RNGTT: variants seen among roughly 807,000 people sequenced by gnomAD.
The protein encoded by RNGTT is mRNA-capping enzyme.
A neutral mutation model predicts 79.3 loss-of-function variants in RNGTT; 33 were observed. The observed-to-expected ratio is 0.42, with a 90% CI of 0.32 to 0.56. The LOEUF (loss-of-function observed/expected upper bound fraction) is 0.56, where lower values mean the gene tolerates loss of function less well. Among genes scored for constraint, RNGTT ranks in the 20% least tolerant of loss-of-function variants. The pLI is 0.17. For missense variants in RNGTT, 497 were observed against 739.1 expected (o/e 0.67, Z 3.80); for synonymous variants, 222 against 235.9 (o/e 0.94, Z 0.54).
At chr6:88,683,469 C>G (rs1250297742) in intron 13 of RNGTT, among the ~76,000 whole-genome samples, 1 of 152,138 alleles carries the variant, frequency 6.6e-6, no homozygotes, top group Non-Finnish European at 1.5e-5. Context: ...AGCAAAAGGT[C>G]TAGCAAATTC....
chr6:88,843,975 T>C (rs935630308), intron 11 of RNGTT, among the ~76,000 whole-genome samples: 1 of 151,184 alleles, frequency 6.6e-6, no homozygotes, highest in Admixed American at 6.6e-5. Context: ...TACACATATA[T>C]ATAAATGTAT....
At chr6:88,629,384 T>C (rs963321765) in intron 14 of RNGTT, among the ~76,000 whole-genome samples, 13 of 152,158 alleles carry the variant, frequency 8.5e-5, no homozygotes, top group African/African-American at 3.1e-4. Flanking sequence ...GCAGGTAAAA[T>C]ACGTGCTATT....
intron 8 of RNGTT, among the ~76,000 whole-genome samples, chr6:88,882,974 A>G (rs1289991344): frequency 6.6e-6 from 1 of 152,152 alleles, no homozygotes; most frequent in African/African-American, 2.4e-5. Flanking sequence ...CAAATGAACT[A>G]AGATACTAAG....
chr6:88,792,025 C>T (rs939458472), intron 12 of RNGTT, among the ~76,000 whole-genome samples: 6 of 152,088 alleles, frequency 3.9e-5, no homozygotes, highest in Non-Finnish European at 7.4e-5. Context: ...TTAGAAAAGA[C>T]AGAAATTAAT....
chr6:88,786,485 A>C (rs1779233212), intron 12 of RNGTT, among the ~76,000 whole-genome samples: 1 of 152,214 alleles, frequency 6.6e-6, no homozygotes, highest in Non-Finnish European at 1.5e-5. Flanking sequence ...TTAGCAATTC[A>C]AAATGGAAGT....
rs754557134 is a variant in RNGTT, at chr6:88,911,521, T to A, written c.368-5081A>T. 9.2e-5 allele frequency among the ~76,000 whole-genome samples: 14 copies of A among 151,446 alleles called. No homozygotes were observed. In the South Asian group the frequency reaches 2.1e-3, roughly 23 times the overall value. ...GGGTACTAAAGCAAGTCTCAATAAA[T>A]TTTTTTTTAATCTTAATCATGCCAA... On this transcript the variant is annotated intron_variant, in intron 4 of 15. Coordinates refer to ENST00000369485, the MANE Select transcript of RNGTT (RefSeq NM_003800.5).
chr6:88,920,041 T>C (rs1421911282), intron 4 of RNGTT, among the ~76,000 whole-genome samples: 3 of 152,200 alleles, frequency 2.0e-5, no homozygotes, highest in East Asian at 3.8e-4. Context: ...CATTTTGTAA[T>C]GTCTAGAGAC....
intron 2 of RNGTT, among the ~76,000 whole-genome samples, chr6:88,935,188 C>T (rs142540135): frequency 1.3e-5 from 2 of 152,214 alleles, no homozygotes; most frequent in African/African-American, 4.8e-5. Context: ...AAAGAGTGTC[C>T]TGTCCCCAAT....
At chr6:88,760,497 A>G (rs944070327) in intron 13 of RNGTT, among the ~76,000 whole-genome samples, 11 of 152,202 alleles carry the variant, frequency 7.2e-5, no homozygotes, top group African/African-American at 2.7e-4. Flanking sequence ...TTCAAATAAG[A>G]AAGCAGTTAC....
chr6:88,837,725 G>A (rs1007388548), intron 11 of RNGTT, among the ~76,000 whole-genome samples: 1 of 151,950 alleles, frequency 6.6e-6, no homozygotes, highest in Non-Finnish European at 1.5e-5. Context: ...AATAGTATTC[G>A]ATCTATAGTA....
At chr6:88,879,939 T>A (rs1268509450) in intron 8 of RNGTT, among the ~76,000 whole-genome samples, 2 of 152,196 alleles carry the variant, frequency 1.3e-5, no homozygotes, top group African/African-American at 4.8e-5. Context: ...TTGAAATACA[T>A]CATTTGGTTT....
intron 9 of RNGTT, 125 bp downstream of exon 9, chr6:88,853,504 C>CAAA (rs878907929): frequency 8.8e-4 from 390 of 442,358 alleles, no homozygotes; most frequent in African/African-American, 9.5e-4. Flanking sequence ...GACTCCGTCT[C>CAAA]AAAAAAAAAA....
chr6:88,650,112 G>A (rs1420412278), intron 14 of RNGTT, among the ~76,000 whole-genome samples: 2 of 152,150 alleles, frequency 1.3e-5, no homozygotes, highest in East Asian at 3.8e-4. Context: ...GGGTCTGGGA[G>A]CCTGCACGGA....
rs191691660 is a variant in RNGTT at position 88,663,977 on chromosome 6, T to C, written c.1506+14376A>G. ...AAACTCATAACCCCACTTGGGCTGA[T>C]TGCCACCAGTTGCTCATGTACCTCT... On this transcript the variant is annotated intron_variant, in intron 14 of 15. Transcript: ENST00000369485. Among the ~76,000 whole-genome samples, 153 of 152,278 alleles carry C rather than the reference T, an allele frequency of 1.0e-3. 1 individual carries two copies. Among genetic ancestry groups the C allele is most frequent in the South Asian group, 1.5e-3 (7 of 4,812 alleles).
intron 6 of RNGTT, among the ~76,000 whole-genome samples, chr6:88,892,662 C>G (rs1179826766): frequency 6.6e-6 from 1 of 151,922 alleles, no homozygotes; most frequent in Non-Finnish European, 1.5e-5. Flanking sequence ...AAAAAATAGT[C>G]TAGATGTATG....
At chr6:88,668,399 C>T (rs1774501239) in intron 14 of RNGTT, among the ~76,000 whole-genome samples, 1 of 152,196 alleles carries the variant, frequency 6.6e-6, no homozygotes, top group Admixed American at 6.5e-5. Flanking sequence ...GGTCTATGCA[C>T]AGCCAAAGCA....
chr6:88,806,516 C>T (rs887785272), intron 11 of RNGTT, among the ~76,000 whole-genome samples: 1 of 151,984 alleles, frequency 6.6e-6, no homozygotes, highest in Non-Finnish European at 1.5e-5. Context: ...GGGGTTTCAC[C>T]ATGTTAGCCA....
Position 88,609,969 on chromosome 6 carries a change from ATATC to A in RNGTT, c.*2746_*2749del, listed in dbSNP as rs1407739792. Among the ~76,000 whole-genome samples, 1 of 152,256 alleles carries A rather than the reference ATATC, an allele frequency of 6.6e-6. No homozygotes were observed. Among genetic ancestry groups the A allele is most frequent in the Non-Finnish European group, 1.5e-5 (1 of 68,046 alleles). Reference sequence around the variant, plus strand: ...AATGCATTAAAAATAATGTAACAGAATATCTACTCATACAGTAGACTGCTAAGAT... The same window carrying A: ...AATGCATTAAAAATAATGTAACAGAATACTCATACAGTAGACTGCTAAGAT... On this transcript the variant is annotated 3_prime_UTR_variant, in exon 16 of 16. Transcript: ENST00000369485.
intron 1 of RNGTT, among the ~76,000 whole-genome samples, chr6:88,959,754 A>G (rs1302172557): frequency 6.6e-6 from 1 of 152,212 alleles, no homozygotes; most frequent in Non-Finnish European, 1.5e-5. Context: ...CGATGCTGAA[A>G]AAAAAAACTG....
Sources: gnomAD v4.1 joint callset for allele counts (sites outside exome capture counted in the v4.1 genomes callset) on GRCh38, gnomAD v4.1.1 for gene constraint, MANE v1.5 for transcripts, NCBI Gene and HGNC (gene_info 2026-07-23, HGNC 2026-07-21) for gene names.